HIF1AN: variants seen among roughly 807,000 people sequenced by gnomAD.
HIF1AN encodes the protein hypoxia inducible factor 1 subunit alpha inhibitor, also known as hypoxia-inducible factor 1-alpha inhibitor.
Under a neutral mutation model 47.7 loss-of-function variants are expected in HIF1AN, and 21 were observed. The ratio of observed to expected loss-of-function variants is 0.44; its 90% CI spans 0.31 to 0.63. The LOEUF is 0.63. HIF1AN is among the 30% of genes least tolerant of loss of function. The pLI is 0.07. For missense variants in HIF1AN, 320 were observed against 432.7 expected (o/e 0.74, Z 2.31); for synonymous variants, 152 against 155.9 (o/e 0.98, Z 0.18).
chr10:100,546,095 C>T, intron 5 of HIF1AN, 46 bp downstream of exon 5: 1 of 1,276,774 alleles, frequency 7.8e-7, no homozygotes, highest in Non-Finnish European at 1.1e-6. Context: ...GCTTTCTTTT[C>T]CATTCCCTGG....
chr10:100,545,894 G>A (rs775185720), intron 4 of HIF1AN, 49 bp from the exon 5 acceptor site: 2 of 1,268,466 alleles, frequency 1.6e-6, no homozygotes, highest in African/African-American at 1.5e-5. Context: ...AGTTTTACTG[G>A]TGAAGATTTG....
At chr10:100,540,868 C>T in intron 3 of HIF1AN, 86 bp downstream of exon 3, 2 of 1,219,682 alleles carry the variant, frequency 1.6e-6, no homozygotes, top group Non-Finnish European at 1.1e-6. Context: ...AGCTCCATGA[C>T]TTTGAACAAG....
intron 5 of HIF1AN, 119 bp downstream of exon 5, chr10:100,546,168 G>A (rs1843091970): frequency 2.7e-6 from 2 of 746,640 alleles, no homozygotes; most frequent in Admixed American, 4.6e-5. Flanking sequence ...CTATAGGAAG[G>A]TTGGCATATC....
chr10:100,545,162 C>T lies in HIF1AN; in HGVS notation c.723+66C>T, dbSNP rs543669384. On this transcript the variant is annotated intron_variant, in intron 4 of 7. Transcript: ENST00000299163. ...TCTAGTAATGCCTAGGCTGGAATGT[C>T]TTTCCCCTTCCCCGTAGTGATATGC... The T allele has an allele frequency of 2.6e-6, 4 of 1,536,106 alleles. No individual in the cohort carries two copies. In the Admixed American group the frequency reaches 7.1e-5, roughly 27 times the overall value.
chr10:100,553,809 A>G lies in HIF1AN; in HGVS notation c.*5672A>G, dbSNP rs72838548. 4,319 of 152,344 alleles carry G rather than the reference A, an allele frequency of 0.028. 131 individuals are homozygous for G. The highest frequency in any genetic ancestry group is 0.04 in the Non-Finnish European group (2,706 of 68,034). 9.4% of individuals were successfully genotyped at this position (152,344 alleles called of 1,614,324 possible). A position where few individuals can be genotyped will look rare whatever the true frequency, so the allele number is the denominator to read the frequency against. On this transcript the variant is annotated 3_prime_UTR_variant, in exon 8 of 8. Transcript: ENST00000299163. ...TATAATAACATGGGTGGAGGGAGGC[A>G]TGTTGAAAATATCTACCTCAGGGTT...
rs754472955 is a variant in HIF1AN, at chr10:100,535,951, C to T, written c.-8C>T. 1.5e-5 allele frequency: 23 copies of T among 1,543,956 alleles called. No homozygotes were observed. Among genetic ancestry groups the T allele is most frequent in the Non-Finnish European group, 3.5e-6 (4 of 1,145,768 alleles). On this transcript the variant is annotated 5_prime_UTR_variant, in exon 1 of 8. Transcript: ENST00000299163. The stretch of plus-strand genomic sequence containing the variant: ...CGGTTCCGGTGGGGGCCGTCCCTGG[C>T]GGCGGAGATGGCGGCGACAGCGGCG...
chr10:100,546,731 G>T, intron 6 of HIF1AN, 150 bp downstream of exon 6: 3 of 660,784 alleles, frequency 4.5e-6, no homozygotes, highest in South Asian at 1.9e-5. Flanking sequence ...GATTGAATTG[G>T]GTTTCTTTTT....
chr10:100,539,033 G>C (rs917872432), intron 2 of HIF1AN, among the ~76,000 whole-genome samples: 2 of 151,232 alleles, frequency 1.3e-5, no homozygotes, highest in Non-Finnish European at 2.9e-5. Context: ...AGCCTGTCAA[G>C]TAGCAGGGAC....
At chr10:100,540,238 A>G (rs1032735523) in intron 2 of HIF1AN, among the ~76,000 whole-genome samples, 1 of 151,688 alleles carries the variant, frequency 6.6e-6, no homozygotes. Flanking sequence ...TCTGTGACCC[A>G]AAAAAGGTTA....
In HIF1AN at chr10:100,549,889, G is replaced by T. The variant is rs1330604641; in HGVS notation, c.*1752G>T. On this transcript the variant is annotated 3_prime_UTR_variant, in exon 8 of 8. Transcript: ENST00000299163. Reference sequence around the variant, plus strand: ...GTGCATGCCTGAGTGCGTTTTTTGGGGAGGGGTGTTTATTTTTAGTACCCC... The same window carrying T: ...GTGCATGCCTGAGTGCGTTTTTTGGTGAGGGGTGTTTATTTTTAGTACCCC... 1 of 152,138 alleles carries T rather than the reference G, an allele frequency of 6.6e-6. No homozygotes were observed. The highest frequency in any genetic ancestry group is 2.4e-5 in the African/African-American group (1 of 41,364). 9.4% of individuals were successfully genotyped at this position (152,138 alleles called of 1,614,324 possible). A position where few individuals can be genotyped will look rare whatever the true frequency, so the allele number is the denominator to read the frequency against.
At chr10:100,540,879 CCACTT>C in intron 3 of HIF1AN, 97 bp downstream of exon 3, 1 of 1,101,918 alleles carries the variant, frequency 9.1e-7, no homozygotes. Context: ...TTTGAACAAG[CCACTT>C]CACTTTCTTA....
intron 3 of HIF1AN, among the ~76,000 whole-genome samples, chr10:100,541,092 G>A (rs1387563495): frequency 1.3e-5 from 2 of 152,126 alleles, no homozygotes; most frequent in African/African-American, 4.8e-5. Flanking sequence ...GGTGGTGCGT[G>A]CCTGTAGTCC....
rs1362638719 is a variant in HIF1AN at position 100,558,560 on chromosome 10, C to A, written c.*10423C>A. 6.6e-6 allele frequency: 1 copy of A among 152,206 alleles called. No homozygotes were observed. The highest frequency in any genetic ancestry group is 1.5e-5 in the Non-Finnish European group (1 of 68,044). 9.4% of individuals were successfully genotyped at this position (152,206 alleles called of 1,614,324 possible). A position where few individuals can be genotyped will look rare whatever the true frequency, so the allele number is the denominator to read the frequency against. On this transcript the variant is annotated 3_prime_UTR_variant, in exon 8 of 8. Transcript: ENST00000299163. ...TTTGCCACTGAGACAAGGTATCTGA[C>A]AGCCTAGATGGGATTCTAGACTTCT...
intron 4 of HIF1AN, among the ~76,000 whole-genome samples, 177 bp from the exon 5 acceptor site, chr10:100,545,766 C>T (rs1843087073): frequency 6.6e-6 from 1 of 152,128 alleles, no homozygotes; most frequent in African/African-American, 2.4e-5. Context: ...ATATTGTTCT[C>T]TCTCAGGGTT....
chr10:100,551,544 AG>A lies in HIF1AN; in HGVS notation c.*3409del, dbSNP rs1843159954. ...CCAGTTGCCAGCCTGAGATGGATAT[AG>A]GAACAGACATCTTTGGGCATGAGCC... On this transcript the variant is annotated 3_prime_UTR_variant, in exon 8 of 8. Transcript: ENST00000299163. 6.6e-6 allele frequency: 1 copy of A among 152,240 alleles called. No individual in the cohort carries two copies. 9.4% of individuals were successfully genotyped at this position (152,240 alleles called of 1,614,324 possible).
chr10:100,545,841 T>C, intron 4 of HIF1AN, 102 bp from the exon 5 acceptor site: 1 of 758,522 alleles, frequency 1.3e-6, no homozygotes, highest in South Asian at 1.7e-5. Flanking sequence ...ATCGTTTTTT[T>C]TTTGTTTGTT....
In HIF1AN at chr10:100,545,155, G is replaced by A. The variant is rs1843081775; in HGVS notation, c.723+59G>A. Reference sequence around the variant, plus strand: ...TCTAGATTCTAGTAATGCCTAGGCTGGAATGTCTTTCCCCTTCCCCGTAGT... The same window carrying A: ...TCTAGATTCTAGTAATGCCTAGGCTAGAATGTCTTTCCCCTTCCCCGTAGT... On this transcript the variant is annotated intron_variant, in intron 4 of 7. Coordinates refer to ENST00000299163, the MANE Select transcript of HIF1AN (RefSeq NM_017902.3). 3.8e-6 allele frequency: 6 copies of A among 1,558,532 alleles called. No individual in the cohort carries two copies. The South Asian group carries it at 4.6e-5, about 12-fold the overall frequency.
rs1222460495 is a variant in HIF1AN, at chr10:100,551,230, T to A, written c.*3093T>A. The A allele has an allele frequency of 6.6e-6, 1 of 152,094 alleles. No individual in the cohort carries two copies. The highest frequency in any genetic ancestry group is 1.5e-5 in the Non-Finnish European group (1 of 68,004). The allele number at this position is 152,094 out of a possible 1,614,324, so 9.4% of individuals were successfully genotyped here. ...CAAATCAGAGCTCTAAATTACAAGGTTTTTACCAACGTGAACAGTTGGGGG... is the reference window on the plus strand; with the variant it reads ...CAAATCAGAGCTCTAAATTACAAGGATTTTACCAACGTGAACAGTTGGGGG... On this transcript the variant is annotated 3_prime_UTR_variant, in exon 8 of 8. Transcript: ENST00000299163.
chr10:100,555,001 G>T lies in HIF1AN; in HGVS notation c.*6864G>T, dbSNP rs998055664. ...AGACAGGCAGGCAGTTAGAATTATG[G>T]TGTATAGAGGAGAAGCATTGCACTA... On this transcript the variant is annotated 3_prime_UTR_variant, in exon 8 of 8. Transcript: ENST00000299163. 1 of 152,170 alleles carries T rather than the reference G, an allele frequency of 6.6e-6. No individual in the cohort carries two copies. 9.4% of individuals were successfully genotyped at this position (152,170 alleles called of 1,614,324 possible). A position where few individuals can be genotyped will look rare whatever the true frequency, so the allele number is the denominator to read the frequency against.
Sources: allele counts gnomAD v4.1 joint callset (sites outside exome capture counted in the v4.1 genomes callset), GRCh38; gene constraint gnomAD v4.1.1; transcripts MANE v1.5; gene names NCBI Gene and HGNC (gene_info 2026-07-23, HGNC 2026-07-21).